TENM3: variants seen among roughly 807,000 people sequenced by gnomAD.
TENM3 encodes the protein teneurin transmembrane protein 3, also known as teneurin-3.
A neutral mutation model predicts 255.1 loss-of-function variants in TENM3; 63 were observed. The ratio of observed to expected loss-of-function variants is 0.25; its 90% CI spans 0.20 to 0.30. The LOEUF (loss-of-function observed/expected upper bound fraction) is 0.30. Ranked by LOEUF, TENM3 falls within the 10% of genes least tolerant of loss-of-function variation. TENM3 has a pLI of 1.00. For synonymous variants in TENM3, 1,306 were observed against 1,322.3 expected, an observed-to-expected ratio of 0.99 and a Z score of 0.27; for missense variants, 2,929 against 3,461.1, an observed-to-expected ratio of 0.85 and a Z score of 3.86.
the TENM3 span, among the ~76,000 whole-genome samples, chr4:181,740,449 A>G: frequency 6.6e-6 from 1 of 152,172 alleles, no homozygotes; most frequent in African/African-American, 2.4e-5. Flanking sequence ...GTCTTACTAC[A>G]TATATTTTTA....
chr4:182,600,769 T>A (rs1747749249), intron 3 of TENM3, among the ~76,000 whole-genome samples, 155 bp from the exon 4 acceptor site: 1 of 152,032 alleles, frequency 6.6e-6, no homozygotes, highest in Admixed American at 6.6e-5. Context: ...ACCCACTTAA[T>A]AGAATAATAT....
chr4:182,534,391 A>G (rs557251596), intron 3 of TENM3, among the ~76,000 whole-genome samples: 3 of 152,342 alleles, frequency 2.0e-5, no homozygotes, highest in Admixed American at 2.0e-4. Context: ...GGCTAGTGCT[A>G]TAATAGTCTC....
At chr4:182,304,984 C>T (rs767615903) in intron 1 of TENM3, among the ~76,000 whole-genome samples, 2 of 151,992 alleles carry the variant, frequency 1.3e-5, no homozygotes, top group Non-Finnish European at 2.9e-5. Flanking sequence ...CTGTCCTCCC[C>T]TCTCCTCTTT....
the TENM3 span, among the ~76,000 whole-genome samples, chr4:181,495,584 A>G: frequency 6.6e-6 from 1 of 151,358 alleles, no homozygotes; most frequent in African/African-American, 2.4e-5. Context: ...AGAGAGAGAC[A>G]TTCATTTTAA....
chr4:182,058,808 A>G, the TENM3 span, among the ~76,000 whole-genome samples: 1 of 152,148 alleles, frequency 6.6e-6, no homozygotes, highest in African/African-American at 2.4e-5. Context: ...CTGAAGGGCA[A>G]CATTTTAATC....
At chr4:181,723,817 T>A in the TENM3 span, among the ~76,000 whole-genome samples, 1 of 152,174 alleles carries the variant, frequency 6.6e-6, no homozygotes, top group East Asian at 1.9e-4. Flanking sequence ...TCTCAATGGA[T>A]TTTTGATACT....
chr4:182,057,221 G>A, the TENM3 span, among the ~76,000 whole-genome samples: 4 of 151,468 alleles, frequency 2.6e-5, no homozygotes, highest in Non-Finnish European at 5.9e-5. Flanking sequence ...GGAGAATAAA[G>A]CATGGACCTC....
At chr4:182,469,900 A>AT (rs1183392406) in intron 3 of TENM3, among the ~76,000 whole-genome samples, 43 of 151,768 alleles carry the variant, frequency 2.8e-4, no homozygotes, top group African/African-American at 9.5e-4. Flanking sequence ...GATTTTAATG[A>AT]TATTTTTTTC....
chr4:181,693,643 A>G, the TENM3 span, among the ~76,000 whole-genome samples: 1 of 152,118 alleles, frequency 6.6e-6, no homozygotes, highest in Admixed American at 6.5e-5. Context: ...TGGATCCTTG[A>G]GTAGAGTTCT....
the TENM3 span, among the ~76,000 whole-genome samples, chr4:181,806,604 C>A: frequency 6.6e-5 from 10 of 152,214 alleles, no homozygotes; most frequent in African/African-American, 2.4e-4. Flanking sequence ...AGCATTCCTC[C>A]CCTTCGGGGC....
At chr4:181,699,838 G>A in the TENM3 span, among the ~76,000 whole-genome samples, 1 of 152,162 alleles carries the variant, frequency 6.6e-6, no homozygotes, top group Non-Finnish European at 1.5e-5. Flanking sequence ...TTAACGAAAG[G>A]CTGCCTAACT....
chr4:181,678,327 T>C, the TENM3 span, among the ~76,000 whole-genome samples: 4 of 152,088 alleles, frequency 2.6e-5, no homozygotes, highest in East Asian at 5.8e-4. Context: ...AGAAGGTAGC[T>C]TTCATACTAA....
the TENM3 span, among the ~76,000 whole-genome samples, chr4:181,770,757 A>G: frequency 2.6e-5 from 4 of 151,832 alleles, no homozygotes; most frequent in South Asian, 2.1e-4. Flanking sequence ...ATCACCTAGT[A>G]TGATGGAAAC....
chr4:181,608,531 T>A, the TENM3 span, among the ~76,000 whole-genome samples: 48 of 152,306 alleles, frequency 3.2e-4, 1 homozygote, highest in East Asian at 8.7e-3. Flanking sequence ...CAGAAGTTAT[T>A]GAGAACTAAT....
chr4:182,510,797 T>C (rs922719801), intron 3 of TENM3, among the ~76,000 whole-genome samples: 1 of 152,206 alleles, frequency 6.6e-6, no homozygotes, highest in African/African-American at 2.4e-5. Context: ...TATTCTATCT[T>C]CTTGTAAGCC....
chr4:181,474,855 T>A, the TENM3 span, among the ~76,000 whole-genome samples: 2 of 152,114 alleles, frequency 1.3e-5, no homozygotes, highest in African/African-American at 4.8e-5. Context: ...TCTGAATTGT[T>A]CTCATTGAAA....
chr4:181,836,116 C>T, the TENM3 span, among the ~76,000 whole-genome samples: 1 of 151,884 alleles, frequency 6.6e-6, no homozygotes, highest in Non-Finnish European at 1.5e-5. Flanking sequence ...ATCAATCATT[C>T]TCTCCCCAGA....
At chr4:182,516,426 G>T (rs1169184884) in intron 3 of TENM3, among the ~76,000 whole-genome samples, 1 of 152,182 alleles carries the variant, frequency 6.6e-6, no homozygotes, top group African/African-American at 2.4e-5. Context: ...GAAAGTTCCA[G>T]GGTGCTTTGG....
intron 3 of TENM3, among the ~76,000 whole-genome samples, chr4:182,588,290 A>G (rs1349713631): frequency 6.6e-6 from 1 of 152,150 alleles, no homozygotes; most frequent in Non-Finnish European, 1.5e-5. Flanking sequence ...ACTCTTCTAT[A>G]CCAGACATTT....
Sources: gnomAD v4.1 joint callset for allele counts (sites outside exome capture counted in the v4.1 genomes callset) on GRCh38, gnomAD v4.1.1 for gene constraint, MANE v1.5 for transcripts, NCBI Gene and HGNC (gene_info 2026-07-23, HGNC 2026-07-21) for gene names.